Variants in LUC7L2 observed in about 807,000 individuals in gnomAD.
LUC7L2 encodes putative RNA-binding protein Luc7-like 2.
LUC7L2 carries 25 observed loss-of-function variants against 52.8 expected under a neutral mutation model. The observed-to-expected ratio is 0.47, with a 90% CI of 0.34 to 0.66. The LOEUF is 0.66. LUC7L2 is among the 30% of genes least tolerant of loss of function. LUC7L2 has a pLI of 0.01. For synonymous variants in LUC7L2, 144 were observed against 160.9 expected, an observed-to-expected ratio of 0.89 and a Z score of 0.80; for missense variants, 328 against 497.8, an observed-to-expected ratio of 0.66 and a Z score of 3.25.
At position 139,412,536 on chromosome 7, in the gene LUC7L2, A is replaced by G; in HGVS notation, c.780-15A>G. The G allele has an allele frequency of 7.0e-7, 1 of 1,427,928 alleles. No homozygotes were observed. Among genetic ancestry groups the G allele is most frequent in the Non-Finnish European group, 9.6e-7 (1 of 1,044,284 alleles). 88.5% of individuals were successfully genotyped at this position (1,427,928 alleles called of 1,614,324 possible). A position where few individuals can be genotyped will look rare whatever the true frequency, so the allele number is the denominator to read the frequency against. On this transcript the variant is annotated splice_polypyrimidine_tract_variant and intron_variant, in intron 7 of 9. Transcript: ENST00000354926. ...TATAGCCACTTTTCTAAAAATACAT[A>G]TTTTTTTTTTTTAGGTCCCGATCAC...
chr7:139,355,217 T>C (rs1232321765), upstream of LUC7L2, among the ~76,000 whole-genome samples: 2 of 152,084 alleles, frequency 1.3e-5, no homozygotes, highest in Non-Finnish European at 2.9e-5. Flanking sequence ...CAAGAGAAAA[T>C]GAGGCCTTGA....
chr7:139,365,184 C>G (rs991930494), intron 1 of LUC7L2, among the ~76,000 whole-genome samples: 2 of 152,080 alleles, frequency 1.3e-5, no homozygotes, highest in South Asian at 2.1e-4. Context: ...ATTTTGAACT[C>G]TGAATAATAT....
At chr7:139,350,603 T>C (rs1432626640) in intron 1 of LUC7L2, among the ~76,000 whole-genome samples, 2 of 151,886 alleles carry the variant, frequency 1.3e-5, no homozygotes, top group Non-Finnish European at 2.9e-5. Context: ...ATTTTTTATC[T>C]CGTTTGTTGT....
chr7:139,377,821 C>G (rs923530306), intron 2 of LUC7L2, among the ~76,000 whole-genome samples: 2 of 145,796 alleles, frequency 1.4e-5, no homozygotes, highest in Admixed American at 1.4e-4. Flanking sequence ...GCTACCGCGC[C>G]TGGCTTTTTT....
intron 1 of LUC7L2, among the ~76,000 whole-genome samples, chr7:139,353,264 T>C (rs757077026): frequency 6.6e-6 from 1 of 152,154 alleles, no homozygotes; most frequent in Non-Finnish European, 1.5e-5. Flanking sequence ...AACCGCAATA[T>C]TAATTTGTAT....
intron 1 of LUC7L2, among the ~76,000 whole-genome samples, chr7:139,349,154 G>A (rs138374604): frequency 1.9e-3 from 292 of 152,206 alleles, no homozygotes; most frequent in Non-Finnish European, 2.2e-3. Context: ...ACTGTGTCTC[G>A]GAAACAAACC....
At chr7:139,404,945 C>A (rs1056552560) in intron 4 of LUC7L2, among the ~76,000 whole-genome samples, 7 of 152,146 alleles carry the variant, frequency 4.6e-5, no homozygotes, top group African/African-American at 1.7e-4. Flanking sequence ...CTTGATCCAC[C>A]AATTCATTTC....
chr7:139,374,904 T>C (rs1477372134), intron 1 of LUC7L2: 1 of 994,030 alleles, frequency 1.0e-6, no homozygotes, highest in Non-Finnish European at 1.2e-6. Flanking sequence ...ACTAAGTGAT[T>C]GAATCACATC....
At chr7:139,362,278 A>AAATT (rs141546350) in intron 1 of LUC7L2, among the ~76,000 whole-genome samples, 2 of 152,174 alleles carry the variant, frequency 1.3e-5, no homozygotes, top group Non-Finnish European at 2.9e-5. Context: ...TTAGATATCA[A>AAATT]AATTAATTCT....
chr7:139,352,023 T>C (rs1432091613), intron 1 of LUC7L2, among the ~76,000 whole-genome samples: 1 of 150,874 alleles, frequency 6.6e-6, no homozygotes, highest in African/African-American at 2.4e-5. Flanking sequence ...AATGAGACCC[T>C]GTCTCTAAAA....
At chr7:139,387,712 C>G (rs564391109) in intron 2 of LUC7L2, among the ~76,000 whole-genome samples, 199 of 152,288 alleles carry the variant, frequency 1.3e-3, no homozygotes, top group African/African-American at 4.5e-3. Context: ...CTTACCCAGG[C>G]TACTTCTCCC....
intron 1 of LUC7L2, among the ~76,000 whole-genome samples, chr7:139,372,428 A>G (rs1005895578): frequency 2.6e-5 from 4 of 152,290 alleles, no homozygotes; most frequent in African/African-American, 9.6e-5. Flanking sequence ...AAGCTTTGTC[A>G]AAGCTATTAC....
chr7:139,411,773 T>A (rs1246399272), intron 7 of LUC7L2, among the ~76,000 whole-genome samples: 1 of 152,186 alleles, frequency 6.6e-6, no homozygotes, highest in African/African-American at 2.4e-5. Context: ...AAGATTGAAC[T>A]AGGTGTTCTA....
chr7:139,388,080 T>C (rs1347937812), intron 2 of LUC7L2, among the ~76,000 whole-genome samples: 1 of 152,212 alleles, frequency 6.6e-6, no homozygotes, highest in Non-Finnish European at 1.5e-5. Flanking sequence ...GTGATTGCCT[T>C]ACCCTGTAAC....
intron 7 of LUC7L2, 120 bp downstream of exon 7, chr7:139,409,774 A>T: frequency 7.4e-7 from 1 of 1,353,802 alleles, no homozygotes; most frequent in Non-Finnish European, 9.6e-7. Context: ...ACTTCTGCTT[A>T]CTTTAAAAAA....
intron 1 of LUC7L2, 64 bp downstream of exon 1, chr7:139,360,386 C>T (rs1585071961): frequency 6.7e-7 from 1 of 1,486,840 alleles, no homozygotes; most frequent in Middle Eastern, 2.0e-4. Context: ...GAAGGGGTTC[C>T]GAGGGCGCAC....
At chr7:139,391,919 A>T (rs1429174114) in intron 2 of LUC7L2, among the ~76,000 whole-genome samples, 1 of 152,098 alleles carries the variant, frequency 6.6e-6, no homozygotes, top group Non-Finnish European at 1.5e-5. Context: ...TGTAGTAATA[A>T]TCATGCTCAT....
At chr7:139,377,817 G>A (rs944016744) in intron 2 of LUC7L2, among the ~76,000 whole-genome samples, 1 of 147,330 alleles carries the variant, frequency 6.8e-6, no homozygotes, top group African/African-American at 2.5e-5. Flanking sequence ...ATGAGCTACC[G>A]CGCCTGGCTT....
upstream of LUC7L2, among the ~76,000 whole-genome samples, chr7:139,355,126 G>A (rs943826777): frequency 1.5e-4 from 23 of 151,972 alleles, no homozygotes; most frequent in African/African-American, 5.3e-4. Context: ...CTCCCAAAGT[G>A]TGGGGATTAC....
Sources: gnomAD v4.1 joint callset for allele counts (sites outside exome capture counted in the v4.1 genomes callset) on GRCh38, gnomAD v4.1.1 for gene constraint, MANE v1.5 for transcripts, NCBI Gene and HGNC (gene_info 2026-07-23, HGNC 2026-07-21) for gene names.